The following GPM6A variants were observed in gnomAD, a reference collection of about 807,000 sequenced individuals.
The protein encoded by GPM6A is glycoprotein M6A, also known as neuronal membrane glycoprotein M6-a.
GPM6A carries 7 observed loss-of-function variants against 32.1 expected under a neutral mutation model. The ratio of observed to expected loss-of-function variants is 0.22; its 90% CI spans 0.12 to 0.41. The LOEUF (loss-of-function observed/expected upper bound fraction) is 0.41, where lower values mean the gene tolerates loss of function less well. GPM6A is among the 10% of genes least tolerant of loss of function. GPM6A has a pLI of 1.00. For synonymous variants in GPM6A, 130 were observed against 123.4 expected (o/e 1.05, Z -0.35); for missense variants, 235 against 347.2 (o/e 0.68, Z 2.57).
At chr4:175,776,364 T>C (rs1047194291) in intron 1 of GPM6A, among the ~76,000 whole-genome samples, 29 of 152,286 alleles carry the variant, frequency 1.9e-4, no homozygotes, top group African/African-American at 7.0e-4. Flanking sequence ...CCACTTGGCT[T>C]CCAAACAAAG....
chr4:175,758,024 A>C (rs1324907851), intron 1 of GPM6A, among the ~76,000 whole-genome samples: 1 of 152,184 alleles, frequency 6.6e-6, no homozygotes, highest in Admixed American at 6.5e-5. Context: ...TGGAGAAGTA[A>C]GTGCCATCAC....
intron 1 of GPM6A, among the ~76,000 whole-genome samples, chr4:175,739,655 C>G (rs1348785821): frequency 6.6e-6 from 1 of 152,000 alleles, no homozygotes; most frequent in African/African-American, 2.4e-5. Flanking sequence ...ATTTTTATAA[C>G]TAAATTATTC....
At chr4:175,777,001 G>T (rs1416583496) in intron 1 of GPM6A, among the ~76,000 whole-genome samples, 2 of 152,150 alleles carry the variant, frequency 1.3e-5, no homozygotes, top group East Asian at 3.9e-4. Context: ...ACACACATGG[G>T]TGTGTGCACG....
chr4:175,936,000 A>C (rs893341878), intron 1 of GPM6A, among the ~76,000 whole-genome samples: 2 of 151,822 alleles, frequency 1.3e-5, no homozygotes, highest in Admixed American at 1.3e-4. Flanking sequence ...ATTTAGTAAA[A>C]AAAAATAAAA....
intron 1 of GPM6A, among the ~76,000 whole-genome samples, chr4:175,780,526 G>A (rs957995062): frequency 1.3e-5 from 2 of 152,150 alleles, no homozygotes; most frequent in African/African-American, 4.8e-5. Flanking sequence ...TGCAGTTATG[G>A]AGAGACTTAA....
At chr4:175,931,872 G>A (rs981011792) in intron 1 of GPM6A, among the ~76,000 whole-genome samples, 1 of 151,922 alleles carries the variant, frequency 6.6e-6, no homozygotes, top group Admixed American at 6.6e-5. Flanking sequence ...TTCACTTGAG[G>A]CTGGGAGTTC....
At chr4:175,720,974 G>C (rs1208276666) in intron 1 of GPM6A, among the ~76,000 whole-genome samples, 1 of 148,896 alleles carries the variant, frequency 6.7e-6, no homozygotes, top group African/African-American at 2.5e-5. Context: ...TGTTTCATGG[G>C]TATTTTTCCA....
intron 1 of GPM6A, among the ~76,000 whole-genome samples, chr4:175,870,096 A>G (rs1736859481): frequency 6.6e-6 from 1 of 152,190 alleles, no homozygotes; most frequent in Admixed American, 6.5e-5. Flanking sequence ...CTGAATTGCC[A>G]TAGTAGTATA....
At chr4:175,777,189 G>A (rs1177003147) in intron 1 of GPM6A, among the ~76,000 whole-genome samples, 2 of 152,114 alleles carry the variant, frequency 1.3e-5, no homozygotes, top group Non-Finnish European at 1.5e-5. Flanking sequence ...TTGGTGTTTT[G>A]AATCCCAGTT....
intron 1 of GPM6A, among the ~76,000 whole-genome samples, chr4:175,921,697 T>G (rs1738673414): frequency 6.6e-6 from 1 of 152,176 alleles, no homozygotes; most frequent in Admixed American, 6.5e-5. Flanking sequence ...TGAGATGTAT[T>G]TTACACCACA....
At chr4:175,639,716 T>C (rs1432649872) in intron 6 of GPM6A, among the ~76,000 whole-genome samples, 2 of 152,178 alleles carry the variant, frequency 1.3e-5, no homozygotes, top group Admixed American at 6.6e-5. Flanking sequence ...CTACTGACAT[T>C]TGTTTTTTTT....
chr4:175,892,918 A>G (rs1737689900), intron 1 of GPM6A, among the ~76,000 whole-genome samples: 1 of 152,144 alleles, frequency 6.6e-6, no homozygotes, highest in Non-Finnish European at 1.5e-5. Context: ...GCATTTCATC[A>G]TGCCAGACAC....
At chr4:175,981,033 A>C (rs1740801442) in intron 1 of GPM6A, among the ~76,000 whole-genome samples, 1 of 152,234 alleles carries the variant, frequency 6.6e-6, no homozygotes, top group Non-Finnish European at 1.5e-5. Flanking sequence ...AAATGAAGGG[A>C]ATAAAAGAAA....
chr4:175,933,807 G>A (rs1251743866), intron 1 of GPM6A, among the ~76,000 whole-genome samples: 1 of 152,182 alleles, frequency 6.6e-6, no homozygotes, highest in Non-Finnish European at 1.5e-5. Context: ...GCCTCCCAAA[G>A]TGCTGGGATT....
intron 1 of GPM6A, among the ~76,000 whole-genome samples, chr4:175,845,953 G>GA (rs1315248770): frequency 6.6e-6 from 1 of 151,882 alleles, no homozygotes; most frequent in Non-Finnish European, 1.5e-5. Flanking sequence ...TAAAAGTAGA[G>GA]AAAAAAATGC....
At chr4:175,977,760 G>A (rs1196201172) in intron 1 of GPM6A, among the ~76,000 whole-genome samples, 1 of 152,126 alleles carries the variant, frequency 6.6e-6, no homozygotes, top group Non-Finnish European at 1.5e-5. Context: ...CAATGTCTAC[G>A]TGATGCAGTA....
At chr4:175,856,858 T>C (rs1002346559) in intron 1 of GPM6A, among the ~76,000 whole-genome samples, 1 of 151,930 alleles carries the variant, frequency 6.6e-6, no homozygotes, top group Non-Finnish European at 1.5e-5. Flanking sequence ...GGGTACAGAG[T>C]TGGGGGCATG....
chr4:175,970,488 T>C (rs1034006279), intron 1 of GPM6A, among the ~76,000 whole-genome samples: 3 of 152,222 alleles, frequency 2.0e-5, no homozygotes, highest in African/African-American at 7.2e-5. Context: ...TTATAACATA[T>C]GTATTTACTG....
intron 1 of GPM6A, among the ~76,000 whole-genome samples, chr4:175,966,567 T>C (rs748202588): frequency 4.9e-4 from 74 of 151,856 alleles, no homozygotes; most frequent in Non-Finnish European, 1.2e-4. Context: ...AGTGCCCTTA[T>C]AACAAGAGGT....
Sources: gnomAD v4.1 joint callset for allele counts (sites outside exome capture counted in the v4.1 genomes callset) on GRCh38, gnomAD v4.1.1 for gene constraint, MANE v1.5 for transcripts, NCBI Gene and HGNC (gene_info 2026-07-23, HGNC 2026-07-21) for gene names.